Variants in FBXL7 observed in about 807,000 individuals in gnomAD.
FBXL7 encodes F-box and leucine rich repeat protein 7, also known as F-box/LRR-repeat protein 7.
In FBXL7, 12 loss-of-function variants were observed where a neutral mutation model predicts 38.3. The ratio of observed to expected loss-of-function variants is 0.31; its 90% CI spans 0.20 to 0.51. The LOEUF is 0.51. Ranked by LOEUF, FBXL7 falls within the 20% of genes least tolerant of loss-of-function variation. The probability of loss-of-function intolerance (pLI) is 0.98; values close to 1 mark genes in which losing one functional copy is unlikely to be tolerated. For synonymous variants in FBXL7, 297 were observed against 300.9 expected, an observed-to-expected ratio of 0.99 and a Z score of 0.13; for missense variants, 567 against 676.4, an observed-to-expected ratio of 0.84 and a Z score of 1.79.
At chr5:15,770,396 A>G (rs151081963) in intron 2 of FBXL7, among the ~76,000 whole-genome samples, 1 of 152,322 alleles carries the variant, frequency 6.6e-6, no homozygotes, top group East Asian at 1.9e-4. Flanking sequence ...TGCTTTCCTG[A>G]TAAAAGGAAC....
intron 2 of FBXL7, among the ~76,000 whole-genome samples, chr5:15,674,094 AG>A (rs1174129062): frequency 1.3e-5 from 2 of 152,228 alleles, no homozygotes; most frequent in Admixed American, 6.5e-5. Flanking sequence ...ATGTGGTATC[AG>A]GTGTCTTTTT....
At chr5:15,596,567 T>C (rs1739631260) in intron 1 of FBXL7, among the ~76,000 whole-genome samples, 1 of 152,166 alleles carries the variant, frequency 6.6e-6, no homozygotes, top group African/African-American at 2.4e-5. Context: ...GAAAAAAATT[T>C]ACAAAGTTGT....
At chr5:15,687,396 C>G (rs1461078684) in intron 2 of FBXL7, among the ~76,000 whole-genome samples, 8 of 152,154 alleles carry the variant, frequency 5.3e-5, no homozygotes, top group Non-Finnish European at 4.4e-5. Context: ...GAGCTCACTC[C>G]CCACTTAGAA....
At chr5:15,886,958 C>T (rs1174066418) in intron 2 of FBXL7, among the ~76,000 whole-genome samples, 2 of 152,126 alleles carry the variant, frequency 1.3e-5, no homozygotes, top group African/African-American at 4.8e-5. Flanking sequence ...CCCGCAATTA[C>T]AAGGTGAAAC....
intron 1 of FBXL7, among the ~76,000 whole-genome samples, chr5:15,541,425 GTA>G (rs1425212597): frequency 2.0e-4 from 14 of 71,744 alleles, no homozygotes; most frequent in African/African-American, 3.3e-4. Context: ...TATACATATA[GTA>G]TATATGTGTG....
At chr5:15,626,810 A>C (rs941861401) in intron 2 of FBXL7, among the ~76,000 whole-genome samples, 3 of 152,236 alleles carry the variant, frequency 2.0e-5, no homozygotes, top group Admixed American at 6.5e-5. Flanking sequence ...ATCTAAGTAC[A>C]TCTAAGTGTA....
chr5:15,594,474 C>T (rs1426937067), intron 1 of FBXL7, among the ~76,000 whole-genome samples: 2 of 152,172 alleles, frequency 1.3e-5, no homozygotes, highest in Non-Finnish European at 2.9e-5. Context: ...TACCCATTGG[C>T]CTCTCACCAG....
intron 3 of FBXL7, among the ~76,000 whole-genome samples, chr5:15,932,074 C>G (rs1450449820): frequency 2.0e-5 from 3 of 152,184 alleles, no homozygotes; most frequent in African/African-American, 7.2e-5. Flanking sequence ...TAAGTGAACA[C>G]AGGCGTGTCA....
At chr5:15,654,900 T>A (rs1353817561) in intron 2 of FBXL7, among the ~76,000 whole-genome samples, 1 of 152,242 alleles carries the variant, frequency 6.6e-6, no homozygotes, top group Non-Finnish European at 1.5e-5. Context: ...ATAAACTACA[T>A]GTTGAAAATT....
At chr5:15,673,593 G>A (rs761564958) in intron 2 of FBXL7, among the ~76,000 whole-genome samples, 11 of 152,140 alleles carry the variant, frequency 7.2e-5, no homozygotes, top group Non-Finnish European at 1.5e-4. Context: ...AATGTGCACA[G>A]AGTCCAACAG....
chr5:15,922,660 A>G (rs549788825), intron 2 of FBXL7, among the ~76,000 whole-genome samples: 12 of 152,234 alleles, frequency 7.9e-5, no homozygotes, highest in African/African-American at 2.9e-4. Flanking sequence ...CTTTTTGCAA[A>G]TCTCACTCTC....
chr5:15,652,476 C>T (rs750169078), intron 2 of FBXL7, among the ~76,000 whole-genome samples: 8 of 152,176 alleles, frequency 5.3e-5, no homozygotes, highest in Non-Finnish European at 1.0e-4. Flanking sequence ...CCGTGTTAGC[C>T]CGGATGGTCT....
intron 2 of FBXL7, among the ~76,000 whole-genome samples, chr5:15,923,552 A>G (rs564233709): frequency 6.6e-6 from 1 of 152,350 alleles, no homozygotes; most frequent in South Asian, 2.1e-4. Context: ...AAATACATTT[A>G]ATGTATTTGT....
chr5:15,589,462 C>T (rs537332504), intron 1 of FBXL7, among the ~76,000 whole-genome samples: 4 of 152,208 alleles, frequency 2.6e-5, no homozygotes, highest in African/African-American at 9.6e-5. Flanking sequence ...CCTTTGTCTT[C>T]GGCCGTGATT....
chr5:15,912,531 G>A (rs549303600), intron 2 of FBXL7, among the ~76,000 whole-genome samples: 1 of 149,702 alleles, frequency 6.7e-6, no homozygotes, highest in Admixed American at 6.6e-5. Flanking sequence ...GTTCCTATTT[G>A]GCCATCTTGG....
intron 1 of FBXL7, among the ~76,000 whole-genome samples, chr5:15,559,094 C>G (rs549373700): frequency 6.6e-6 from 1 of 152,196 alleles, no homozygotes; most frequent in South Asian, 2.1e-4. Flanking sequence ...TGTTTAGACA[C>G]TGTATAAGAA....
At chr5:15,724,890 C>A (rs1744299196) in intron 2 of FBXL7, among the ~76,000 whole-genome samples, 1 of 152,140 alleles carries the variant, frequency 6.6e-6, no homozygotes. Flanking sequence ...GTCATACAGG[C>A]TCTGTAGCGA....
intron 2 of FBXL7, among the ~76,000 whole-genome samples, chr5:15,769,489 C>G (rs1736674669): frequency 6.6e-6 from 1 of 152,124 alleles, no homozygotes; most frequent in African/African-American, 2.4e-5. Flanking sequence ...CATTTAGTCC[C>G]CATGCAAATG....
chr5:15,848,931 T>C (rs1739010951), intron 2 of FBXL7, among the ~76,000 whole-genome samples: 3 of 152,214 alleles, frequency 2.0e-5, no homozygotes, highest in Non-Finnish European at 4.4e-5. Flanking sequence ...TGTTTTCAAA[T>C]GCTATAGTCT....
Sources: gnomAD v4.1 joint callset for allele counts (sites outside exome capture counted in the v4.1 genomes callset) on GRCh38, gnomAD v4.1.1 for gene constraint, MANE v1.5 for transcripts, NCBI Gene and HGNC (gene_info 2026-07-23, HGNC 2026-07-21) for gene names.